CORIN: variants seen among roughly 807,000 people sequenced by gnomAD.
CORIN encodes atrial natriuretic peptide-converting enzyme.
CORIN carries 117 observed loss-of-function variants against 125.3 expected under a neutral mutation model. The ratio of observed to expected loss-of-function variants is 0.93; its 90% CI spans 0.80 to 1.09. The LOEUF is 1.09. Ranked by LOEUF, CORIN falls within the 50% of genes least tolerant of loss-of-function variation. CORIN has a pLI of 0.00. For synonymous variants in CORIN, 450 were observed against 466.4 expected, an observed-to-expected ratio of 0.96 and a Z score of 0.45; for missense variants, 1,253 against 1,306.7, an observed-to-expected ratio of 0.96 and a Z score of 0.63.
In CORIN at chr4:47,677,933, C is replaced by T. The variant is rs1227916400; in HGVS notation, c.1249+5G>A. 3.8e-6 allele frequency: 6 copies of T among 1,599,892 alleles called. No individual in the cohort carries two copies. The Admixed American group carries it at 6.7e-5, about 18-fold the overall frequency. On this transcript the variant is annotated splice_donor_5th_base_variant and intron_variant, in intron 9 of 21. Transcript: ENST00000273857. ...GAATGTTCTGGGGTGGTGGGACACACTTACTGACGCTGCAGTTCTCCTCAT... is the reference window on the plus strand; with the variant it reads ...GAATGTTCTGGGGTGGTGGGACACATTTACTGACGCTGCAGTTCTCCTCAT...
intron 5 of CORIN, among the ~76,000 whole-genome samples, chr4:47,742,957 A>G (rs1267086280): frequency 3.3e-5 from 5 of 152,174 alleles, no homozygotes; most frequent in Non-Finnish European, 7.4e-5. Context: ...GATTGATAGC[A>G]GCAGTGATAT....
At chr4:47,626,612 AG>A in intron 16 of CORIN, 91 bp from the exon 17 acceptor site, 2 of 833,870 alleles carry the variant, frequency 2.4e-6, no homozygotes, top group Non-Finnish European at 4.2e-6. Context: ...CCTTTCAAAA[AG>A]AAGCACTAAA....
At chr4:47,683,171 A>T (rs1725364558) in intron 7 of CORIN, 1 of 152,208 alleles carries the variant, frequency 6.6e-6, no homozygotes, top group South Asian at 2.1e-4. Flanking sequence ...AATTCATGAG[A>T]TGGCATTCAG....
At chr4:47,616,283 A>C (rs1244027519) in intron 19 of CORIN, among the ~76,000 whole-genome samples, 1 of 152,114 alleles carries the variant, frequency 6.6e-6, no homozygotes, top group African/African-American at 2.4e-5. Context: ...CATACTTTAT[A>C]TTCATATTAA....
rs555615897 is a variant in CORIN at position 47,790,773 on chromosome 4, A to T, written c.209-3848T>A. ...ACTATAAGTGGATCCCAGTGTCACAAAATGGCTAACTTTCAGAAGTGAATC... is the reference window on the plus strand; with the variant it reads ...ACTATAAGTGGATCCCAGTGTCACATAATGGCTAACTTTCAGAAGTGAATC... On this transcript the variant is annotated intron_variant, in intron 2 of 21. Transcript: ENST00000273857. Among the ~76,000 whole-genome samples the T allele has an allele frequency of 1.4e-3, 208 of 152,302 alleles. 1 individual carries two copies. The Middle Eastern group carries it at 0.017, about 12-fold the overall frequency.
intron 4 of CORIN, among the ~76,000 whole-genome samples, chr4:47,757,698 G>A (rs1460689059): frequency 2.0e-5 from 3 of 151,206 alleles, no homozygotes; most frequent in African/African-American, 7.3e-5. Context: ...GAAAATAGAA[G>A]TAAAAAATTA....
intron 5 of CORIN, among the ~76,000 whole-genome samples, chr4:47,723,995 C>CAAAA (rs766930754): frequency 3.4e-5 from 2 of 58,846 alleles, no homozygotes; most frequent in African/African-American, 1.1e-4. Context: ...GACTCCATCT[C>CAAAA]AAAAAAAAAA....
chr4:47,729,839 C>T (rs561519412), intron 5 of CORIN, among the ~76,000 whole-genome samples: 59 of 152,244 alleles, frequency 3.9e-4, no homozygotes, highest in Non-Finnish European at 7.5e-4. Flanking sequence ...TCAGTGAAAA[C>T]GGAATAACTT....
chr4:47,725,000 T>C (rs1283326962), intron 5 of CORIN, among the ~76,000 whole-genome samples: 1 of 152,182 alleles, frequency 6.6e-6, no homozygotes, highest in Non-Finnish European at 1.5e-5. Flanking sequence ...TTACCATAAC[T>C]AGCAATGAAC....
At chr4:47,648,957 T>C (rs1389071308) in intron 13 of CORIN, among the ~76,000 whole-genome samples, 1 of 152,116 alleles carries the variant, frequency 6.6e-6, no homozygotes, top group African/African-American at 2.4e-5. Flanking sequence ...CAAAGCCCCT[T>C]CCCTCAAAGC....
At chr4:47,805,092 C>T (rs980594476) in intron 2 of CORIN, among the ~76,000 whole-genome samples, 19 of 146,672 alleles carry the variant, frequency 1.3e-4, no homozygotes, top group African/African-American at 3.8e-4. Context: ...GCCGAGATCG[C>T]GCCACTGCAC....
At position 47,641,978 on chromosome 4, in the gene CORIN, A is replaced by G; in HGVS notation, c.2140T>C (p.Cys714Arg). 1 of 1,613,684 alleles carries G rather than the reference A, an allele frequency of 6.2e-7. No individual in the cohort carries two copies. The highest frequency in any genetic ancestry group is 2.2e-5 in the East Asian group (1 of 44,860). ...VHRAATEHHV[C>R]ADGWQEILSQ... is the part of the protein sequence containing the mutation. ...AATATCTCCTGCCAGCCATCTGCAC[A>G]CACATGGTGTTCTGTGGCAGCTCTG... is the stretch of plus-strand genomic sequence containing the variant. Residue 714 changes from cysteine to arginine, a missense_variant, in exon 16 of 22, where the codon TGT (cysteine) becomes CGT (arginine). Transcript: ENST00000273857.
chr4:47,719,106 G>T (rs1727234777), intron 5 of CORIN, among the ~76,000 whole-genome samples: 1 of 152,146 alleles, frequency 6.6e-6, no homozygotes, highest in African/African-American at 2.4e-5. Context: ...GCAACCAACT[G>T]ATATGCCAGG....
At chr4:47,830,579 C>T (rs1369038950) in intron 1 of CORIN, among the ~76,000 whole-genome samples, 1 of 152,162 alleles carries the variant, frequency 6.6e-6, no homozygotes, top group Non-Finnish European at 1.5e-5. Context: ...TAATAATATA[C>T]CTGTCACATA....
At chr4:47,748,582 T>A (rs1272923464) in intron 4 of CORIN, among the ~76,000 whole-genome samples, 7 of 152,186 alleles carry the variant, frequency 4.6e-5, no homozygotes, top group Non-Finnish European at 8.8e-5. Context: ...AGGAAGGCTG[T>A]TATAAAATTA....
At chr4:47,664,933 T>C in intron 11 of CORIN, 99 bp downstream of exon 11, 1 of 680,772 alleles carries the variant, frequency 1.5e-6, no homozygotes, top group Non-Finnish European at 2.6e-6. Context: ...AATGCAGAGC[T>C]CCTTAGGGAA....
chr4:47,622,778 C>T (rs1428212181), intron 19 of CORIN, among the ~76,000 whole-genome samples: 1 of 152,162 alleles, frequency 6.6e-6, no homozygotes, highest in Non-Finnish European at 1.5e-5. Context: ...ATCTTCCTGC[C>T]TGCCACCTAC....
chr4:47,628,276 A>G (rs562827830), intron 16 of CORIN, among the ~76,000 whole-genome samples: 1 of 152,272 alleles, frequency 6.6e-6, no homozygotes, highest in South Asian at 2.1e-4. Flanking sequence ...CATCTCCATA[A>G]CTTCAATTTC....
At chr4:47,606,691 CTTCT>C (rs1226408280) in intron 19 of CORIN, among the ~76,000 whole-genome samples, 3 of 145,098 alleles carry the variant, frequency 2.1e-5, no homozygotes, top group Admixed American at 7.0e-5. Context: ...TCCTTTTTTC[CTTCT>C]TTCTTTTACT....
Sources: allele counts gnomAD v4.1 joint callset (sites outside exome capture counted in the v4.1 genomes callset), GRCh38; gene constraint gnomAD v4.1.1; transcripts MANE v1.5; gene names NCBI Gene and HGNC (gene_info 2026-07-23, HGNC 2026-07-21).